The following NAV1 variants were observed in gnomAD, a reference collection of about 807,000 sequenced individuals.
NAV1 encodes the protein pore membrane and/or filament interacting like protein 3.
In NAV1, 18 loss-of-function variants were observed where a neutral mutation model predicts 175.2. The observed-to-expected ratio is 0.10, with a 90% CI of 0.07 to 0.15. NAV1 has a LOEUF of 0.15. NAV1 is among the 10% of genes least tolerant of loss of function. NAV1 has a pLI of 1.00. For missense variants in NAV1, 1,731 were observed against 2,436.6 expected (o/e 0.71, Z 6.10); for synonymous variants, 897 against 978.7 (o/e 0.92, Z 1.56).
In NAV1 at chr1:201,579,798, G is replaced by A. The variant is rs182852730; in HGVS notation, c.-143-8741G>A. Among the ~76,000 whole-genome samples the A allele has an allele frequency of 7.9e-3, 1,201 of 152,250 alleles. 10 individuals are homozygous for A. The highest frequency in any genetic ancestry group is 0.013 in the Non-Finnish European group (856 of 68,020). On this transcript the variant is annotated intron_variant, in intron 1 of 33. Transcript: ENST00000685211. ...TTAGGGTTCTTCAGAGAAACAGACC[G>A]ATAAGATATAAAAATAGATACACGA...
chr1:201,577,568 C>A (rs1361357126), intron 1 of NAV1, among the ~76,000 whole-genome samples: 1 of 147,174 alleles, frequency 6.8e-6, no homozygotes, highest in African/African-American at 2.5e-5. Flanking sequence ...ATTACTTTTG[C>A]ACCTTTGTCA....
chr1:201,539,408 G>A lies in NAV1; in HGVS notation c.-144+66G>A, dbSNP rs931870669. Among the ~76,000 whole-genome samples the A allele has an allele frequency of 6.6e-6, 1 of 152,180 alleles. No individual in the cohort carries two copies. The highest frequency in any genetic ancestry group is 3.4e-3 in the Middle Eastern group (1 of 292). On this transcript the variant is annotated intron_variant, in intron 1 of 33. Coordinates refer to the NAV1 transcript ENST00000685211. The surrounding 1 kb of genome is among the most constrained non-coding windows in gnomAD (Gnocchi z 5.6). Reference sequence around the variant, plus strand: ...GAGGGTCTGGCGCTTCCCGTTTTGCGAGGCTTGGCTGGCAGGTCCTGCGAG... The same window carrying A: ...GAGGGTCTGGCGCTTCCCGTTTTGCAAGGCTTGGCTGGCAGGTCCTGCGAG...
At chr1:201,611,342 C>T (rs974696203) in intron 2 of NAV1, among the ~76,000 whole-genome samples, 7 of 152,190 alleles carry the variant, frequency 4.6e-5, no homozygotes, top group African/African-American at 1.7e-4. Flanking sequence ...CTCCCCACCA[C>T]GACATCTCAG....
At chr1:201,708,278 G>C (rs988636620) in intron 1 of NAV1, among the ~76,000 whole-genome samples, 1 of 152,058 alleles carries the variant, frequency 6.6e-6, no homozygotes, top group Non-Finnish European at 1.5e-5. Context: ...TTCTGAGCCT[G>C]AGTAGCACAC....
At chr1:201,692,444 A>G (rs1380062379) in intron 1 of NAV1, among the ~76,000 whole-genome samples, 1 of 152,228 alleles carries the variant, frequency 6.6e-6, no homozygotes, top group Admixed American at 6.5e-5. Context: ...TGTGTCCAGT[A>G]AAATATATAT....
chr1:201,749,425 G>A (rs932641806), intron 3 of NAV1, among the ~76,000 whole-genome samples: 1 of 152,196 alleles, frequency 6.6e-6, no homozygotes, highest in African/African-American at 2.4e-5. Context: ...ATCAGATAGA[G>A]CACAACCCTT....
intron 2 of NAV1, among the ~76,000 whole-genome samples, chr1:201,602,859 C>A (rs1200170722): frequency 6.6e-6 from 1 of 152,052 alleles, no homozygotes. Flanking sequence ...CTCACCCAGC[C>A]TCCCCATCCT....
chr1:201,690,491 C>G (rs1180304124), intron 1 of NAV1, among the ~76,000 whole-genome samples: 12 of 139,256 alleles, frequency 8.6e-5, no homozygotes, highest in Non-Finnish European at 3.1e-5. Flanking sequence ...TATTTCCTCT[C>G]TGGCCTGTCT....
At chr1:201,562,219 A>G (rs1319338730) in intron 1 of NAV1, among the ~76,000 whole-genome samples, 1 of 138,046 alleles carries the variant, frequency 7.2e-6, no homozygotes, top group African/African-American at 2.9e-5. Context: ...AAGTCTCACT[A>G]TGTTGCCTAG....
chr1:201,814,457 T>G (rs1392812562), intron 28 of NAV1, among the ~76,000 whole-genome samples: 1 of 152,128 alleles, frequency 6.6e-6, no homozygotes, highest in East Asian at 1.9e-4. Context: ...CTCAGTTTTC[T>G]TACCTGTAAA....
chr1:201,819,454 A>ATTT (rs11390244), intron 29 of NAV1, among the ~76,000 whole-genome samples: 36 of 132,600 alleles, frequency 2.7e-4, no homozygotes, highest in African/African-American at 7.2e-4. Context: ...CATGATCTAG[A>ATTT]TTTTTTTTTT....
At chr1:201,690,075 G>A (rs1156734979) in intron 1 of NAV1, among the ~76,000 whole-genome samples, 1 of 130,258 alleles carries the variant, frequency 7.7e-6, no homozygotes, top group East Asian at 2.4e-4. Context: ...CTGTGGCAGA[G>A]TGCTGGCTAT....
intron 29 of NAV1, among the ~76,000 whole-genome samples, chr1:201,818,100 C>T (rs1285022490): frequency 6.6e-6 from 1 of 152,062 alleles, no homozygotes; most frequent in Non-Finnish European, 1.5e-5. Flanking sequence ...TGTGATGGCA[C>T]ATGCCTACAG....
Position 201,780,400 on chromosome 1 carries a change from TTCA to T in NAV1, c.1227-18_1227-16del. On this transcript the variant is annotated intron_variant, in intron 3 of 29. Coordinates refer to ENST00000367296, the Ensembl canonical transcript of NAV1. ...TGGGCTTCTGTTTTAACGATTGACC[TTCA>T]TCTCTCCTGTCCTGTAGCTGGGATG... 6.2e-7 allele frequency: 1 copy of T among 1,613,692 alleles called. No individual in the cohort carries two copies. The highest frequency in any genetic ancestry group is 1.7e-5 in the Admixed American group (1 of 59,934).
chr1:201,809,321 G>GA (rs1226042108), intron 21 of NAV1, 60 bp downstream of exon 25: 2 of 1,600,950 alleles, frequency 1.2e-6, no homozygotes, highest in Non-Finnish European at 1.7e-6. Context: ...ATTTATCCAA[G>GA]AAAATCTGGA....
chr1:201,664,760 C>G (rs1669747841), intron 1 of NAV1, among the ~76,000 whole-genome samples: 1 of 152,136 alleles, frequency 6.6e-6, no homozygotes, highest in Admixed American at 6.5e-5. Flanking sequence ...CCAGCCTGTT[C>G]TTCCTGAGTC....
rs1287946471 is a variant in NAV1, at chr1:201,787,704, A to G, written c.2996-764A>G. 2.2e-6 allele frequency: 1 copy of G among 456,274 alleles called. No individual in the cohort carries two copies. The highest frequency in any genetic ancestry group is 7.0e-5 in the East Asian group (1 of 14,386). 28.3% of individuals were successfully genotyped at this position (456,274 alleles called of 1,614,324 possible). A position where few individuals can be genotyped will look rare whatever the true frequency, so the allele number is the denominator to read the frequency against. ...CCTGCCTGTATGGAGGCAGAAGAAT[A>G]GACAAGGGAGCTCCTTGTGGGTATG... is the stretch of plus-strand genomic sequence containing the variant. On this transcript the variant is annotated intron_variant, in intron 9 of 29. Coordinates refer to ENST00000367296, the Ensembl canonical transcript of NAV1. This position sits in a 1 kb window ranked among gnomAD's most constrained non-coding sequence, Gnocchi z 4.3.
chr1:201,672,890 G>A (rs1240157237), intron 1 of NAV1, among the ~76,000 whole-genome samples: 2 of 152,234 alleles, frequency 1.3e-5, no homozygotes, highest in African/African-American at 4.8e-5. Flanking sequence ...CGACTGCCCT[G>A]TGGACGCACA....
At chr1:201,668,804 C>A (rs1669931659) in intron 1 of NAV1, among the ~76,000 whole-genome samples, 1 of 152,120 alleles carries the variant, frequency 6.6e-6, no homozygotes, top group African/African-American at 2.4e-5. Flanking sequence ...TGGGATCCTT[C>A]CCTCCACCTT....
Sources: allele counts gnomAD v4.1 joint callset (sites outside exome capture counted in the v4.1 genomes callset), GRCh38; gene constraint gnomAD v4.1.1; non-coding constraint Gnocchi (gnomAD v3.1); transcripts MANE v1.5; gene names NCBI Gene and HGNC (gene_info 2026-07-23, HGNC 2026-07-21).